Variants in KCNH1 observed in about 807,000 individuals in gnomAD.
KCNH1 encodes the protein voltage-gated delayed rectifier potassium channel KCNH1.
A neutral mutation model predicts 69.2 loss-of-function variants in KCNH1; 27 were observed. The ratio of observed to expected loss-of-function variants is 0.39; its 90% CI spans 0.29 to 0.54. The LOEUF (loss-of-function observed/expected upper bound fraction) is 0.54, where lower values mean the gene tolerates loss of function less well. KCNH1 is among the 20% of genes least tolerant of loss of function. The pLI, the probability that KCNH1 is intolerant of heterozygous loss-of-function variation, is 0.68. For missense variants in KCNH1, 798 were observed against 1,261.6 expected (o/e 0.63, Z 5.57); for synonymous variants, 456 against 487.7 (o/e 0.93, Z 0.86).
chr1:211,039,560 T>C (rs1221054422), intron 5 of KCNH1, among the ~76,000 whole-genome samples: 1 of 152,150 alleles, frequency 6.6e-6, no homozygotes, highest in Admixed American at 6.5e-5. Flanking sequence ...GGCTGTACCC[T>C]GCAAAGTCAC....
At chr1:210,853,946 C>CA (rs11445997) in intron 7 of KCNH1, among the ~76,000 whole-genome samples, 14,485 of 61,300 alleles carry the variant, frequency 0.24, 1,868 homozygotes, top group East Asian at 0.42. Context: ...TTATCTAAGC[C>CA]AAAAAAAAAA....
chr1:210,752,440 T>C (rs1212686987), intron 10 of KCNH1, among the ~76,000 whole-genome samples: 1 of 152,232 alleles, frequency 6.6e-6, no homozygotes, highest in African/African-American at 2.4e-5. Flanking sequence ...GGTTTCTATG[T>C]AGCTGCGCTT....
At chr1:210,826,929 A>T (rs1287934489) in intron 7 of KCNH1, among the ~76,000 whole-genome samples, 1 of 152,230 alleles carries the variant, frequency 6.6e-6, no homozygotes, top group Non-Finnish European at 1.5e-5. Flanking sequence ...TGGCACATAG[A>T]CACCTGGAGT....
rs550116489 is a variant in KCNH1 at position 211,103,096 on chromosome 1, C to G, written c.310+400G>C. ...ATTTAGAAACGCTTAATTAGGCACC[C>G]ACTGTGTTACTTGTGCTAAGTGCTG... On this transcript the variant is annotated intron_variant, in intron 3 of 10. Coordinates refer to ENST00000271751, the MANE Select transcript of KCNH1 (RefSeq NM_172362.3). Among the ~76,000 whole-genome samples the G allele has an allele frequency of 2.6e-5, 4 of 152,322 alleles. No individual in the cohort carries two copies. In the South Asian group the frequency reaches 8.3e-4, roughly 32 times the overall value.
chr1:210,689,861 C>T (rs550751059), intron 10 of KCNH1, among the ~76,000 whole-genome samples: 5 of 152,356 alleles, frequency 3.3e-5, no homozygotes, highest in African/African-American at 1.2e-4. Context: ...GCATTTGCAG[C>T]AAACTCCCAG....
chr1:210,821,061 T>C (rs1277178344), intron 7 of KCNH1, among the ~76,000 whole-genome samples: 1 of 152,180 alleles, frequency 6.6e-6, no homozygotes, highest in African/African-American at 2.4e-5. Flanking sequence ...CATCTTAAGT[T>C]TTTCAAATCA....
intron 7 of KCNH1, among the ~76,000 whole-genome samples, chr1:210,851,567 A>G (rs2102467469): frequency 6.6e-6 from 1 of 152,354 alleles, no homozygotes; most frequent in Non-Finnish European, 1.5e-5. Flanking sequence ...ATCTTGTGTC[A>G]CTTAACAATA....
At chr1:211,051,703 T>C (rs952878961) in intron 5 of KCNH1, among the ~76,000 whole-genome samples, 1 of 152,180 alleles carries the variant, frequency 6.6e-6, no homozygotes, top group Non-Finnish European at 1.5e-5. Context: ...TTTAAATTTA[T>C]CCAAAGAGGC....
At chr1:210,961,127 T>C (rs1246298833) in intron 6 of KCNH1, among the ~76,000 whole-genome samples, 1 of 152,216 alleles carries the variant, frequency 6.6e-6, no homozygotes, top group African/African-American at 2.4e-5. Flanking sequence ...CATCTTCATA[T>C]CTGCTTTGAT....
At chr1:210,996,240 A>C (rs894134265) in intron 6 of KCNH1, among the ~76,000 whole-genome samples, 3 of 152,106 alleles carry the variant, frequency 2.0e-5, no homozygotes, top group African/African-American at 4.8e-5. Flanking sequence ...CTAGTCAAAG[A>C]AAGGGGTGAC....
chr1:210,789,920 G>T (rs1238496486), intron 9 of KCNH1, among the ~76,000 whole-genome samples: 1 of 152,024 alleles, frequency 6.6e-6, no homozygotes, highest in African/African-American at 2.4e-5. Flanking sequence ...TCTCTTTTTA[G>T]AGACAGGGTC....
At chr1:211,076,133 A>G (rs1690728482) in intron 5 of KCNH1, among the ~76,000 whole-genome samples, 1 of 152,256 alleles carries the variant, frequency 6.6e-6, no homozygotes, top group Non-Finnish European at 1.5e-5. Context: ...CTGCCTCTGT[A>G]GTCTCCACCT....
chr1:210,989,777 T>C (rs995347414), intron 6 of KCNH1, among the ~76,000 whole-genome samples: 1 of 152,244 alleles, frequency 6.6e-6, no homozygotes, highest in East Asian at 1.9e-4. Context: ...AGTTCCATTC[T>C]TCCTGAAAAA....
Position 210,683,204 on chromosome 1 carries a change from T to C in KCNH1, c.*77A>G. ...GCCTACTTGAAAATTGTTGGTCATG[T>C]GGACATATGTGGTAGGGGTGGTGGT... On this transcript the variant is annotated 3_prime_UTR_variant, in exon 11 of 11. Transcript: ENST00000271751. This position sits in a 1 kb window ranked among gnomAD's most constrained non-coding sequence, Gnocchi z 5.7. The C allele has an allele frequency of 7.2e-7, 1 of 1,382,452 alleles. No individual in the cohort carries two copies. The highest frequency in any genetic ancestry group is 9.9e-7 in the Non-Finnish European group (1 of 1,014,940). 85.6% of individuals were successfully genotyped at this position (1,382,452 alleles called of 1,614,324 possible). A position where few individuals can be genotyped will look rare whatever the true frequency, so the allele number is the denominator to read the frequency against.
chr1:210,823,929 C>A (rs1684984125), intron 7 of KCNH1, among the ~76,000 whole-genome samples: 1 of 151,176 alleles, frequency 6.6e-6, no homozygotes, highest in African/African-American at 2.4e-5. Context: ...CACCATGCTC[C>A]AAATGTGCCC....
intron 6 of KCNH1, among the ~76,000 whole-genome samples, chr1:210,936,790 T>A (rs1194341690): frequency 1.3e-5 from 2 of 152,144 alleles, no homozygotes; most frequent in Non-Finnish European, 2.9e-5. Context: ...TTGCCAATGA[T>A]CTTTACCTTT....
chr1:210,901,492 G>A (rs556312329), intron 7 of KCNH1, among the ~76,000 whole-genome samples: 1 of 152,312 alleles, frequency 6.6e-6, no homozygotes, highest in South Asian at 2.1e-4. Context: ...CACATGAAGT[G>A]GAGAGTCAAA....
At chr1:211,023,119 T>A (rs527423009) in intron 5 of KCNH1, among the ~76,000 whole-genome samples, 9 of 129,434 alleles carry the variant, frequency 7.0e-5, no homozygotes, top group South Asian at 2.6e-4. Flanking sequence ...TCAGAAAAAA[T>A]AAATAAATAA....
intron 6 of KCNH1, among the ~76,000 whole-genome samples, chr1:210,942,941 T>C (rs1441734863): frequency 6.6e-6 from 1 of 152,158 alleles, no homozygotes; most frequent in African/African-American, 2.4e-5. Flanking sequence ...TGTGGAAAAG[T>C]TGTATATAGA....
Sources: gnomAD v4.1 joint callset for allele counts (sites outside exome capture counted in the v4.1 genomes callset) on GRCh38, gnomAD v4.1.1 for gene constraint, Gnocchi (gnomAD v3.1) non-coding constraint, MANE v1.5 for transcripts, NCBI Gene and HGNC (gene_info 2026-07-23, HGNC 2026-07-21) for gene names.